GRIK1: variants seen among roughly 807,000 people sequenced by gnomAD.
GRIK1 encodes the protein glutamate ionotropic receptor kainate type subunit 1, also known as glutamate receptor ionotropic, kainate 1.
Under a neutral mutation model 105.7 loss-of-function variants are expected in GRIK1, and 69 were observed. The observed-to-expected ratio is 0.65, with a 90% CI of 0.54 to 0.80. GRIK1 has a LOEUF of 0.80. Among genes scored for constraint, GRIK1 ranks in the 30% least tolerant of loss-of-function variants. GRIK1 has a pLI of 0.00. For synonymous variants in GRIK1, 438 were observed against 431.3 expected (o/e 1.02, Z -0.19); for missense variants, 1,109 against 1,167.3 (o/e 0.95, Z 0.73).
chr21:29,660,003 C>T (rs58190056), intron 4 of GRIK1, among the ~76,000 whole-genome samples: 53 of 152,018 alleles, frequency 3.5e-4, no homozygotes, highest in Non-Finnish European at 6.2e-4. Context: ...ACAACAACAA[C>T]AAAAAACCCT....
intron 7 of GRIK1, among the ~76,000 whole-genome samples, chr21:29,618,879 G>A (rs534196966): frequency 6.6e-6 from 1 of 152,152 alleles, no homozygotes; most frequent in African/African-American, 2.4e-5. Context: ...TGTAATCCCA[G>A]CACTTTGGGA....
At chr21:29,633,304 T>A (rs1045641560) in intron 7 of GRIK1, among the ~76,000 whole-genome samples, 13 of 152,122 alleles carry the variant, frequency 8.5e-5, no homozygotes, top group African/African-American at 2.9e-4. Flanking sequence ...CTGGAGATTA[T>A]CCTGGCCAAC....
intron 1 of GRIK1, among the ~76,000 whole-genome samples, chr21:29,908,578 A>G (rs1353533217): frequency 1.3e-5 from 2 of 152,270 alleles, no homozygotes; most frequent in South Asian, 4.1e-4. Context: ...TCCAACATAC[A>G]TTTTCAAAAT....
chr21:29,553,340 T>C (rs1437471705), intron 16 of GRIK1: 8 of 1,167,344 alleles, frequency 6.9e-6, no homozygotes, highest in Non-Finnish European at 8.4e-6. Flanking sequence ...TACACATTTC[T>C]AGAAGTCTTT....
At chr21:29,612,544 T>C (rs2061751780) in intron 7 of GRIK1, among the ~76,000 whole-genome samples, 2 of 152,192 alleles carry the variant, frequency 1.3e-5, no homozygotes, top group South Asian at 2.1e-4. Flanking sequence ...CTTCAGTACA[T>C]TGTCAGTGCA....
At chr21:29,704,421 A>G (rs911243632) in intron 1 of GRIK1, among the ~76,000 whole-genome samples, 2 of 152,176 alleles carry the variant, frequency 1.3e-5, no homozygotes, top group African/African-American at 4.8e-5. Context: ...AATCTACTAC[A>G]TATTTCAAGG....
intron 1 of GRIK1, among the ~76,000 whole-genome samples, chr21:29,781,662 T>C (rs1428589849): frequency 1.0e-4 from 12 of 117,608 alleles, no homozygotes; most frequent in South Asian, 3.5e-4. Flanking sequence ...TGTTTCTTTT[T>C]TTTTTTTTTT....
chr21:29,618,890 G>T (rs942517151), intron 7 of GRIK1, among the ~76,000 whole-genome samples: 2 of 152,170 alleles, frequency 1.3e-5, no homozygotes, highest in Non-Finnish European at 2.9e-5. Flanking sequence ...CACTTTGGGA[G>T]GCCGAGGTGG....
intron 1 of GRIK1, among the ~76,000 whole-genome samples, chr21:29,725,097 G>A (rs966808475): frequency 1.1e-4 from 17 of 151,314 alleles, no homozygotes; most frequent in African/African-American, 3.9e-4. Context: ...CTCAGTCAAC[G>A]CTCCCTCCAG....
At chr21:29,855,336 A>G (rs932453285) in intron 1 of GRIK1, among the ~76,000 whole-genome samples, 1 of 152,246 alleles carries the variant, frequency 6.6e-6, no homozygotes, top group African/African-American at 2.4e-5. Flanking sequence ...AGGAAGTACT[A>G]CACAGTCTGT....
At position 29,778,409 on chromosome 21, in the gene GRIK1, C is replaced by T. The variant is rs541590815; in HGVS notation, c.119-84346G>A. On this transcript the variant is annotated intron_variant, in intron 1 of 17. Coordinates refer to ENST00000327783, the MANE Select transcript of GRIK1 (RefSeq NM_001330994.2). ...GGAAATATTTAAAGCAAGATTCTAGCGCAGTTCCTTGCGGCGACTCAGTGC... is the reference window on the plus strand; with the variant it reads ...GGAAATATTTAAAGCAAGATTCTAGTGCAGTTCCTTGCGGCGACTCAGTGC... Among the ~76,000 whole-genome samples, 674 of 152,262 alleles carry T rather than the reference C, an allele frequency of 4.4e-3. 4 individuals carry two copies. Among genetic ancestry groups the T allele is most frequent in the South Asian group, 7.5e-3 (36 of 4,826 alleles).
chr21:29,911,667 G>A (rs934809925), intron 1 of GRIK1, among the ~76,000 whole-genome samples: 1 of 151,930 alleles, frequency 6.6e-6, no homozygotes, highest in Admixed American at 6.6e-5. Context: ...CATTAGAGTG[G>A]CAGCCCCATA....
chr21:29,689,801 G>T lies in GRIK1; in HGVS notation c.471C>A (p.Ile157=), dbSNP rs775657419. 3 of 1,613,796 alleles carry T rather than the reference G, an allele frequency of 1.9e-6. No individual in the cohort carries two copies. The highest frequency in any genetic ancestry group is 2.5e-6 in the Non-Finnish European group (3 of 1,179,680). ...GGACCAGATCCAGGATCGCCCTGCT[G>T]ATAGCTGCATAATCTGGGTAAAGGT... The part of the protein sequence containing the change: ...YINLYPDYAA[I]SRAILDLVLY... The change falls in exon 3 of 18, where the codon ATC becomes ATA. Residue 157 remains isoleucine, a synonymous_variant. Transcript: ENST00000327783.
intron 1 of GRIK1, among the ~76,000 whole-genome samples, chr21:29,895,233 A>G (rs1264971620): frequency 6.6e-6 from 1 of 152,168 alleles, no homozygotes; most frequent in African/African-American, 2.4e-5. Context: ...ACTGGGAGTG[A>G]AAACCCAGGG....
Position 29,836,668 on chromosome 21 carries a change from C to CAT in GRIK1, c.118+102713_118+102714dup, listed in dbSNP as rs752588144. Among the ~76,000 whole-genome samples the CAT allele has an allele frequency of 5.6e-3, 849 of 150,936 alleles. 7 individuals are homozygous for CAT. Among genetic ancestry groups the CAT allele is most frequent in the African/African-American group, 0.019 (774 of 41,288 alleles). ...GCACACATATACATGTGTAATGTTGCATATATATATATATTTACACAGACA... is the reference window on the plus strand; with the variant it reads ...GCACACATATACATGTGTAATGTTGCATATATATATATATATTTACACAGACA... On this transcript the variant is annotated intron_variant, in intron 1 of 17. Transcript: ENST00000327783.
chr21:29,605,714 C>A (rs2061600047), intron 7 of GRIK1, among the ~76,000 whole-genome samples: 1 of 152,100 alleles, frequency 6.6e-6, no homozygotes, highest in African/African-American at 2.4e-5. Flanking sequence ...TTCTCGGCAA[C>A]CTCGCCAGCA....
At chr21:29,538,096 T>C (rs1042603521) in intron 16 of GRIK1, among the ~76,000 whole-genome samples, 13 of 152,154 alleles carry the variant, frequency 8.5e-5, no homozygotes, top group African/African-American at 3.1e-4. Context: ...ATATATATAA[T>C]CTGCATTGCA....
chr21:29,921,350 A>T (rs150342714), intron 1 of GRIK1, among the ~76,000 whole-genome samples: 2,055 of 152,254 alleles, frequency 0.013, 55 homozygotes, highest in African/African-American at 0.047. Context: ...AGTAGAAAAG[A>T]CCAGTTCAGC....
At chr21:29,810,503 C>CTCAA (rs2066982568) in intron 1 of GRIK1, among the ~76,000 whole-genome samples, 1 of 152,120 alleles carries the variant, frequency 6.6e-6, no homozygotes, top group African/African-American at 2.4e-5. Flanking sequence ...TAAAGTGAAG[C>CTCAA]TCAATAAGAT....
Sources: allele counts gnomAD v4.1 joint callset (sites outside exome capture counted in the v4.1 genomes callset), GRCh38; gene constraint gnomAD v4.1.1; transcripts MANE v1.5; gene names NCBI Gene and HGNC (gene_info 2026-07-23, HGNC 2026-07-21).